Variants in NTM observed in about 807,000 individuals in gnomAD.
The protein encoded by NTM is IgLON family member 2.
Under a neutral mutation model 42.1 loss-of-function variants are expected in NTM, and 13 were observed. The observed-to-expected ratio is 0.31, with a 90% CI of 0.20 to 0.49. NTM has a LOEUF of 0.49. Ranked by LOEUF, NTM falls within the 20% of genes least tolerant of loss-of-function variation. The probability of loss-of-function intolerance (pLI) is 0.99; values close to 1 mark genes in which losing one functional copy is unlikely to be tolerated. For synonymous variants in NTM, 187 were observed against 179.2 expected, an observed-to-expected ratio of 1.04 and a Z score of -0.35; for missense variants, 373 against 452.8, an observed-to-expected ratio of 0.82 and a Z score of 1.60.
intron 3 of NTM, among the ~76,000 whole-genome samples, chr11:132,200,191 GA>G (rs1488485903): frequency 6.6e-6 from 1 of 152,186 alleles, no homozygotes; most frequent in Non-Finnish European, 1.5e-5. Context: ...AAAATCAACG[GA>G]TAAGTTTCCT....
rs1310089619 is a variant in NTM, at chr11:131,601,870, T to C, written c.82+230982T>C. Among the ~76,000 whole-genome samples, 3 of 152,328 alleles carry C rather than the reference T, an allele frequency of 2.0e-5. No homozygotes were observed. The South Asian group carries it at 6.2e-4, about 32-fold the overall frequency. On this transcript the variant is annotated intron_variant, in intron 1 of 8. Coordinates refer to ENST00000683400, the MANE Select transcript of NTM (RefSeq NM_001352005.2). ...ATGTGTTGCATTTATTCTAGAATAC[T>C]GGAGTGAGCACTGTCTGAATATGGA... is the stretch of plus-strand genomic sequence containing the variant.
intron 2 of NTM, among the ~76,000 whole-genome samples, chr11:132,036,407 A>G (rs1327725506): frequency 6.6e-6 from 1 of 152,226 alleles, no homozygotes; most frequent in Non-Finnish European, 1.5e-5. Flanking sequence ...GGAGATGACA[A>G]TATCAACCCC....
intron 4 of NTM, among the ~76,000 whole-genome samples, chr11:132,241,567 A>T (rs1007132426): frequency 6.6e-6 from 1 of 152,204 alleles, no homozygotes; most frequent in Admixed American, 6.5e-5. Flanking sequence ...TCGTAAACAC[A>T]AACAGCACCC....
At chr11:131,602,872 C>T (rs1345221940) in intron 1 of NTM, among the ~76,000 whole-genome samples, 1 of 152,192 alleles carries the variant, frequency 6.6e-6, no homozygotes, top group Admixed American at 6.5e-5. Flanking sequence ...GCTTTTCTTT[C>T]ACTTACCACC....
At chr11:131,570,693 C>T (rs1225364422) in intron 1 of NTM, among the ~76,000 whole-genome samples, 3 of 152,182 alleles carry the variant, frequency 2.0e-5, no homozygotes, top group South Asian at 2.1e-4. Flanking sequence ...CGTGGTGGTG[C>T]GTGCCAGTAG....
At chr11:131,410,517 C>CAAAAAAAAAAAAAAAAA (rs1161389222) in intron 1 of NTM, among the ~76,000 whole-genome samples, 3 of 32,768 alleles carry the variant, frequency 9.2e-5, no homozygotes, top group African/African-American at 1.4e-4. Flanking sequence ...AAACAATAAC[C>CAAAAAAAAAAAAAAAAA]AAAAAAAAAA....
intron 1 of NTM, among the ~76,000 whole-genome samples, chr11:131,428,952 G>A (rs1948426829): frequency 6.6e-6 from 1 of 151,602 alleles, no homozygotes; most frequent in Non-Finnish European, 1.5e-5. Context: ...CTACTTGGGA[G>A]CCTGAAGCAG....
chr11:132,155,949 G>A (rs1346435685), intron 3 of NTM, among the ~76,000 whole-genome samples: 1 of 152,194 alleles, frequency 6.6e-6, no homozygotes, highest in African/African-American at 2.4e-5. Context: ...TGGGCTGAGA[G>A]CGATGGCTGC....
intron 1 of NTM, among the ~76,000 whole-genome samples, chr11:131,758,059 A>T (rs549922311): frequency 6.6e-5 from 10 of 152,316 alleles, no homozygotes; most frequent in African/African-American, 2.2e-4. Context: ...CGGACACTAC[A>T]GGGCTCCGCT....
chr11:131,584,525 C>T (rs1212296713), intron 1 of NTM, among the ~76,000 whole-genome samples: 2 of 152,114 alleles, frequency 1.3e-5, no homozygotes, highest in African/African-American at 2.4e-5. Flanking sequence ...GAGAATAAAA[C>T]GCTGGGTCCC....
At chr11:131,422,210 A>T (rs143330518) in intron 1 of NTM, among the ~76,000 whole-genome samples, 1 of 31,690 alleles carries the variant, frequency 3.2e-5, no homozygotes, top group Non-Finnish European at 1.0e-4. Flanking sequence ...ATCTGAGAAC[A>T]GTCACATTTG....
intron 2 of NTM, among the ~76,000 whole-genome samples, chr11:132,124,004 A>G (rs1243328635): frequency 3.3e-5 from 5 of 152,068 alleles, no homozygotes; most frequent in Non-Finnish European, 7.4e-5. Flanking sequence ...ACCCGAGGCA[A>G]TTTATTAAGT....
intron 1 of NTM, among the ~76,000 whole-genome samples, chr11:131,438,184 C>A (rs1232853207): frequency 6.6e-6 from 1 of 152,184 alleles, no homozygotes; most frequent in Non-Finnish European, 1.5e-5. Flanking sequence ...TTGCTGTTAA[C>A]CTGACCTTTC....
chr11:131,563,590 T>TTC (rs1485740277), intron 1 of NTM, among the ~76,000 whole-genome samples: 2 of 150,188 alleles, frequency 1.3e-5, no homozygotes, highest in African/African-American at 4.9e-5. Flanking sequence ...TTTTTTTTTT[T>TTC]TTTTTTTTTT....
chr11:131,452,106 C>A (rs914185725), intron 1 of NTM, among the ~76,000 whole-genome samples: 2 of 152,168 alleles, frequency 1.3e-5, no homozygotes, highest in Non-Finnish European at 2.9e-5. Flanking sequence ...ACAGCTTCCT[C>A]GAAAAGAAGT....
At chr11:131,889,033 C>A (rs1350191119) in intron 1 of NTM, among the ~76,000 whole-genome samples, 1 of 151,972 alleles carries the variant, frequency 6.6e-6, no homozygotes, top group Non-Finnish European at 1.5e-5. Flanking sequence ...TCAAAGGCTG[C>A]TTGGAGTCAC....
At chr11:132,057,501 A>C (rs995897225) in intron 2 of NTM, among the ~76,000 whole-genome samples, 1 of 152,150 alleles carries the variant, frequency 6.6e-6, no homozygotes, top group Non-Finnish European at 1.5e-5. Flanking sequence ...AAATACTTGC[A>C]ATTTTTCCTA....
intron 2 of NTM, among the ~76,000 whole-genome samples, chr11:132,095,345 G>A (rs2060836633): frequency 6.6e-6 from 1 of 152,132 alleles, no homozygotes; most frequent in Admixed American, 6.5e-5. Context: ...GAGAGTTGCA[G>A]GAGCCCCTCC....
chr11:132,128,415 G>C (rs975492956), intron 2 of NTM, among the ~76,000 whole-genome samples: 8 of 152,270 alleles, frequency 5.3e-5, no homozygotes, highest in Admixed American at 4.6e-4. Context: ...TTTAGAGGCT[G>C]CCTGGGGACT....
Sources: allele counts gnomAD v4.1 joint callset (sites outside exome capture counted in the v4.1 genomes callset), GRCh38; gene constraint gnomAD v4.1.1; transcripts MANE v1.5; gene names NCBI Gene and HGNC (gene_info 2026-07-23, HGNC 2026-07-21).